ADCYAP1R1: variants seen among roughly 807,000 people sequenced by gnomAD.
The protein encoded by ADCYAP1R1 is ADCYAP receptor type I, also known as pituitary adenylate cyclase-activating polypeptide type I receptor.
In ADCYAP1R1, 44 loss-of-function variants were observed where a neutral mutation model predicts 67.6. That is an observed-to-expected ratio of 0.65 (90% CI 0.51 to 0.84). The LOEUF (loss-of-function observed/expected upper bound fraction) is 0.84, where lower values mean the gene tolerates loss of function less well. Among genes scored for constraint, ADCYAP1R1 ranks in the 40% least tolerant of loss-of-function variants. The pLI is 0.00. For missense variants in ADCYAP1R1, 477 were observed against 587.9 expected (o/e 0.81, Z 1.95); for synonymous variants, 222 against 219.6 (o/e 1.01, Z -0.10).
chr7:31,063,834 C>CA (rs1292399562), intron 2 of ADCYAP1R1, among the ~76,000 whole-genome samples: 2 of 152,210 alleles, frequency 1.3e-5, no homozygotes, highest in African/African-American at 4.8e-5. Flanking sequence ...TGCCTCTGGC[C>CA]TGACTCACTG....
chr7:31,077,728 T>C (rs965600921), intron 3 of ADCYAP1R1, among the ~76,000 whole-genome samples: 2 of 146,236 alleles, frequency 1.4e-5, no homozygotes, highest in African/African-American at 5.1e-5. Flanking sequence ...GTGTGTGTGG[T>C]GTATGTGTGA....
At chr7:31,071,784 G>C (rs995977438) in intron 3 of ADCYAP1R1, among the ~76,000 whole-genome samples, 1 of 152,248 alleles carries the variant, frequency 6.6e-6, no homozygotes, top group Admixed American at 6.5e-5. Flanking sequence ...TTCTCCAGTT[G>C]CTACTTCTCT....
intron 13 of ADCYAP1R1, among the ~76,000 whole-genome samples, chr7:31,094,385 C>G (rs913718327): frequency 6.6e-6 from 1 of 152,068 alleles, no homozygotes; most frequent in African/African-American, 2.4e-5. Flanking sequence ...GTGTTGGACA[C>G]TGCCCTTGTG....
chr7:31,087,752 C>A, intron 12 of ADCYAP1R1, 56 bp downstream of exon 12: 2 of 1,442,764 alleles, frequency 1.4e-6, no homozygotes, highest in Non-Finnish European at 1.9e-6. Context: ...GGCAGAAAGG[C>A]ACGCGAGGAA....
At chr7:31,101,385 TG>T (rs1796429331) in intron 13 of ADCYAP1R1, among the ~76,000 whole-genome samples, 1 of 152,128 alleles carries the variant, frequency 6.6e-6, no homozygotes, top group African/African-American at 2.4e-5. Flanking sequence ...GACAAGTACT[TG>T]GAAATGGTCC....
At chr7:31,074,222 C>T (rs1026425229) in intron 3 of ADCYAP1R1, among the ~76,000 whole-genome samples, 7 of 152,174 alleles carry the variant, frequency 4.6e-5, no homozygotes, top group South Asian at 4.1e-4. Flanking sequence ...AGTGAGCCTG[C>T]GGCGGAAGGA....
intron 3 of ADCYAP1R1, among the ~76,000 whole-genome samples, chr7:31,074,469 G>A (rs1795120421): frequency 6.6e-6 from 1 of 152,088 alleles, no homozygotes. Context: ...CCACCCGCCC[G>A]ACCTCTGCAG....
Position 31,106,843 on chromosome 7 carries a change from T to C in ADCYAP1R1, c.*159T>C. 1 of 853,220 alleles carries C rather than the reference T, an allele frequency of 1.2e-6. No homozygotes were observed. Among genetic ancestry groups the C allele is most frequent in the African/African-American group, 1.7e-5 (1 of 57,842 alleles). The allele number at this position is 853,220 out of a possible 1,614,324, so 52.9% of individuals were successfully genotyped here. Reference sequence around the variant, plus strand: ...GAAGGAGGCAGGGCACAGACTGGAATTGTCCCCTCCTTGTTTTGGTACTGG... The same window carrying C: ...GAAGGAGGCAGGGCACAGACTGGAACTGTCCCCTCCTTGTTTTGGTACTGG... On this transcript the variant is annotated 3_prime_UTR_variant, in exon 16 of 16. Transcript: ENST00000304166.
intron 3 of ADCYAP1R1, among the ~76,000 whole-genome samples, chr7:31,068,215 G>GCGCACACACACA (rs35207713): frequency 6.9e-4 from 103 of 150,002 alleles, no homozygotes; most frequent in Admixed American, 1.4e-3. Flanking sequence ...ATGTGCGCGC[G>GCGCACACACACA]CACACACACA....
At chr7:31,063,453 C>T in intron 2 of ADCYAP1R1, 138 bp downstream of exon 2, 1 of 878,232 alleles carries the variant, frequency 1.1e-6, no homozygotes, top group Non-Finnish European at 1.8e-6. Context: ...CTGGGCCACC[C>T]AGTGCCTTTG....
intron 3 of ADCYAP1R1, among the ~76,000 whole-genome samples, chr7:31,073,229 C>T (rs1795064754): frequency 6.6e-6 from 1 of 152,208 alleles, no homozygotes; most frequent in South Asian, 2.1e-4. Context: ...ACACAACCCA[C>T]TGGACTAAGA....
Position 31,103,299 on chromosome 7 carries a change from C to T in ADCYAP1R1, c.1109C>T (p.Ala370Val). Residue 370 changes from alanine to valine, a missense_variant, in exon 14 of 16, where the codon GCC (alanine) becomes GTC (valine). By Grantham distance (64) the Ala-to-Val change is moderately conservative. Transcript: ENST00000304166. ...TTCGGAATCCACTACACAGTATTTGCCTTCTCCCCAGAGAATGTCAGCAAA... is the reference window on the plus strand; with the variant it reads ...TTCGGAATCCACTACACAGTATTTGTCTTCTCCCCAGAGAATGTCAGCAAA... ...PLFGIHYTVF[A>V]FSPENVSKRE... The T allele has an allele frequency of 6.2e-7, 1 of 1,614,202 alleles. No homozygotes were observed. The highest frequency in any genetic ancestry group is 8.5e-7 in the Non-Finnish European group (1 of 1,180,036).
chr7:31,077,617 T>C (rs895684887), intron 3 of ADCYAP1R1, among the ~76,000 whole-genome samples: 1 of 146,954 alleles, frequency 6.8e-6, no homozygotes, highest in Non-Finnish European at 1.5e-5. Flanking sequence ...TGAATGTGTG[T>C]GTGTAGTGTG....
rs144089811 is a variant in ADCYAP1R1 at position 31,102,141 on chromosome 7, C to T, written c.1047-1096C>T. ...CATTCTCTCCCAGAAAGGCTGAATG[C>T]GGGAGAGAGGGACACATGGTGTAAT... On this transcript the variant is annotated intron_variant, in intron 13 of 15. Transcript: ENST00000304166. This position sits in a 1 kb window ranked among gnomAD's most constrained non-coding sequence, Gnocchi z 4.3. Among the ~76,000 whole-genome samples, 55 of 152,322 alleles carry T rather than the reference C, an allele frequency of 3.6e-4. No homozygotes were observed. Among genetic ancestry groups the T allele is most frequent in the Non-Finnish European group, 4.9e-4 (33 of 68,024 alleles).
intron 12 of ADCYAP1R1, among the ~76,000 whole-genome samples, chr7:31,090,577 C>G (rs985831418): frequency 2.0e-5 from 3 of 152,166 alleles, no homozygotes; most frequent in African/African-American, 7.2e-5. Flanking sequence ...ATCCTCCCAC[C>G]CTGTCTAGTA....
rs755928380 is a variant in ADCYAP1R1 at position 31,085,427 on chromosome 7, C to G, written c.654C>G (p.His218Gln). The G allele has an allele frequency of 1.9e-6, 3 of 1,613,316 alleles. No individual in the cohort carries two copies. ...TGTATGCGGAGCAGGACAGCAACCA[C>G]TGCTTCATCTCCACTGTGAGTGAGC... ...WILYAEQDSN[H>Q]CFISTVECKA... Residue 218 changes from histidine to glutamine, a missense_variant, in exon 9 of 16, where the codon CAC (histidine) becomes CAG (glutamine). Coordinates refer to ENST00000304166, the MANE Select transcript of ADCYAP1R1 (RefSeq NM_001118.5).
intron 5 of ADCYAP1R1, among the ~76,000 whole-genome samples, 165 bp from the exon 6 acceptor site, chr7:31,081,548 G>A (rs988113251): frequency 6.6e-6 from 1 of 152,210 alleles, no homozygotes; most frequent in Non-Finnish European, 1.5e-5. Context: ...GGTGTAGTGT[G>A]TGAGAAAGGT....
rs1443659992 is a variant in ADCYAP1R1 at position 31,102,139 on chromosome 7, T to C, written c.1047-1098T>C. ...AACATTCTCTCCCAGAAAGGCTGAA[T>C]GCGGGAGAGAGGGACACATGGTGTA... is the stretch of plus-strand genomic sequence containing the variant. On this transcript the variant is annotated intron_variant, in intron 13 of 15. Coordinates refer to ENST00000304166, the MANE Select transcript of ADCYAP1R1 (RefSeq NM_001118.5). The surrounding 1 kb of genome is among the most constrained non-coding windows in gnomAD (Gnocchi z 4.3). 6.6e-6 allele frequency among the ~76,000 whole-genome samples: 1 copy of C among 152,174 alleles called. No individual in the cohort carries two copies. Among genetic ancestry groups the C allele is most frequent in the Admixed American group, 6.5e-5 (1 of 15,288 alleles).
At chr7:31,074,526 T>C (rs910963593) in intron 3 of ADCYAP1R1, among the ~76,000 whole-genome samples, 7 of 152,206 alleles carry the variant, frequency 4.6e-5, no homozygotes, top group African/African-American at 1.7e-4. Context: ...CGCTCTGAAG[T>C]GGCCCTGTGA....
Sources: gnomAD v4.1 joint callset for allele counts (sites outside exome capture counted in the v4.1 genomes callset) on GRCh38, gnomAD v4.1.1 for gene constraint, Gnocchi (gnomAD v3.1) non-coding constraint, MANE v1.5 for transcripts, NCBI Gene and HGNC (gene_info 2026-07-23, HGNC 2026-07-21) for gene names.